KLHDC8B: variants seen among roughly 807,000 people sequenced by gnomAD.
KLHDC8B encodes the protein kelch domain containing 8B.
In KLHDC8B, 19 loss-of-function variants were observed where a neutral mutation model predicts 26.3. The ratio of observed to expected loss-of-function variants is 0.72; its 90% CI spans 0.50 to 1.06. The LOEUF (loss-of-function observed/expected upper bound fraction) is 1.06. Ranked by LOEUF, KLHDC8B falls within the 50% of genes least tolerant of loss-of-function variation. The probability of loss-of-function intolerance (pLI) is 0.00; values close to 1 mark genes in which losing one functional copy is unlikely to be tolerated. For missense variants in KLHDC8B, 411 were observed against 488.1 expected, an observed-to-expected ratio of 0.84 and a Z score of 1.49; for synonymous variants, 150 against 188.4, an observed-to-expected ratio of 0.80 and a Z score of 1.67.
In KLHDC8B at chr3:49,174,810, C is replaced by A; in HGVS notation, c.610C>A (p.Arg204=). 6.2e-7 allele frequency: 1 copy of A among 1,614,036 alleles called. No homozygotes were observed. Among genetic ancestry groups the A allele is most frequent in the Non-Finnish European group, 8.5e-7 (1 of 1,180,016 alleles). Reference sequence around the variant, plus strand: ...TGATCTGGAGGCCCGTACATGGACCCGGCATCCAAGCCTACCCAGCCGTCG... The same window carrying A: ...TGATCTGGAGGCCCGTACATGGACCAGGCATCCAAGCCTACCCAGCCGTCG... ...AFDLEARTWT[R]HPSLPSRRAF... is the part of the protein sequence containing the mutation. Residue 204 remains arginine (R), a synonymous_variant, in exon 4 of 6, where the codon CGG becomes AGG. Transcript: ENST00000332780.
Position 49,174,271 on chromosome 3 carries a change from CCT to C in KLHDC8B, c.410_411del (p.Pro137ArgfsTer12). 1 of 1,613,578 alleles carries C rather than the reference CCT, an allele frequency of 6.2e-7. No individual in the cohort carries two copies. ...GMVYALGGMG[P>X]DTAPQAQVRV... ...GGTGTATGCTCTGGGGGGAATGGGC[CCT>C]GACACGGCCCCCCAGGCCCAGGTAC... On this transcript the variant is annotated frameshift_variant, in exon 3 of 6. Coordinates refer to ENST00000332780, the MANE Select transcript of KLHDC8B (RefSeq NM_173546.3). LOFTEE classifies it high-confidence loss of function.
intron 3 of KLHDC8B, 106 bp from the exon 4 acceptor site, chr3:49,174,636 C>A: frequency 7.0e-7 from 1 of 1,432,056 alleles, no homozygotes; most frequent in East Asian, 2.4e-5. Flanking sequence ...CAAGTGTGCA[C>A]ACAGCAGGAT....
chr3:49,174,882 G>T lies in KLHDC8B; in HGVS notation c.682G>T (p.Gly228Cys). 6.2e-7 allele frequency: 1 copy of T among 1,614,180 alleles called. No individual in the cohort carries two copies. ...GGCTGAAGGCAGCGTCTTTAGCCTG[G>T]GTGGCCTGCAGCAGCCTGGGCCCCA... is the stretch of plus-strand genomic sequence containing the variant. ...AMAEGSVFSLGGLQQPGPHNF... is the reference protein window; with the variant it reads ...AMAEGSVFSLCGLQQPGPHNF... Residue 228 changes from glycine (G) to cysteine (C), a missense_variant, in exon 4 of 6, where the codon GGT becomes TGT. By Grantham distance (159) the Gly-to-Cys change is radical. Transcript: ENST00000332780.
Position 49,172,717 on chromosome 3 carries a change from G to A in KLHDC8B, c.-53G>A. ...GATGAGGCCCTGTCATGCCTCCCCA[G>A]TGAGGCCTACAGTCTGAGCAGACAG... is the stretch of plus-strand genomic sequence containing the variant. On this transcript the variant is annotated 5_prime_UTR_variant, in exon 2 of 6. In the 5' UTR this introduces an upstream ATG that the reference lacks. Coordinates refer to ENST00000332780, the MANE Select transcript of KLHDC8B (RefSeq NM_173546.3). The A allele has an allele frequency of 6.4e-7, 1 of 1,563,322 alleles. No homozygotes were observed. Among genetic ancestry groups the A allele is most frequent in the Non-Finnish European group, 8.7e-7 (1 of 1,153,650 alleles).
rs2107659921 is a variant in KLHDC8B at position 49,174,878 on chromosome 3, C to G, written c.678C>G (p.Ser226Arg). The change falls in exon 4 of 6, where the codon AGC becomes AGG. Residue 226 changes from serine to arginine, a missense_variant. By Grantham distance (110) the Ser-to-Arg change is moderately radical (BLOSUM62 -1). Transcript: ENST00000332780. ...GCAMAEGSVF[S>R]LGGLQQPGPH... The stretch of plus-strand genomic sequence containing the variant: ...CCATGGCTGAAGGCAGCGTCTTTAG[C>G]CTGGGTGGCCTGCAGCAGCCTGGGC... The G allele has an allele frequency of 6.2e-7, 1 of 1,614,196 alleles. No homozygotes were observed. The highest frequency in any genetic ancestry group is 8.5e-7 in the Non-Finnish European group (1 of 1,180,050).
intron 2 of KLHDC8B, 153 bp downstream of exon 2, chr3:49,173,298 G>C: frequency 1.2e-6 from 1 of 818,978 alleles, no homozygotes; most frequent in Non-Finnish European, 1.9e-6. Flanking sequence ...TTCCAACCTA[G>C]ATTTGAGCTG....
rs761784731 is a variant in KLHDC8B, at chr3:49,175,138, C to A, written c.843C>A (p.Gly281=). The A allele has an allele frequency of 3.5e-5, 57 of 1,613,950 alleles. No individual in the cohort carries two copies. Among genetic ancestry groups the A allele is most frequent in the Non-Finnish European group, 4.6e-5 (54 of 1,179,998 alleles). The part of the protein sequence containing the change: ...RADFVVGSLG[G]HIVAIGGLGN... ...ACTTTGTGGTTGGGTCCCTTGGGGG[C>A]CACATTGTGGCCATTGGGGGCCTTG... Residue 281 remains glycine, a synonymous_variant, in exon 5 of 6, where the codon GGC becomes GGA. Transcript: ENST00000332780.
rs921234015 is a variant in KLHDC8B, at chr3:49,173,133, A to G, written c.364A>G (p.Thr122Ala). The change falls in exon 2 of 6, where the codon ACT (threonine) becomes GCT (alanine). Residue 122 changes from threonine (T) to alanine (A), a missense_variant. Thr to Ala is a moderately conservative substitution (Grantham distance 58). Coordinates refer to ENST00000332780, the MANE Select transcript of KLHDC8B (RefSeq NM_173546.3). The stretch of plus-strand genomic sequence containing the variant: ...CCCTCAAGCAGCCATGGGGGTTGCA[A>G]CTGTGGAGAGAGGTGAGTGGCCTCC... ...TLPQAAMGVA[T>A]VERDGMVYAL... 2 of 1,570,892 alleles carry G rather than the reference A, an allele frequency of 1.3e-6. No homozygotes were observed. The highest frequency in any genetic ancestry group is 1.9e-5 in the Admixed American group (1 of 53,122).
Position 49,175,594 on chromosome 3 carries a change from C to T in KLHDC8B, c.869-11C>T, listed in dbSNP as rs375876907. ...CTGTGCCTCTCACAGCCTTCTCTCT[C>T]CTTCTTGCAGGAAACCAGCCATGTC... On this transcript the variant is annotated splice_polypyrimidine_tract_variant and intron_variant, in intron 5 of 5. Transcript: ENST00000332780. The T allele has an allele frequency of 1.6e-5, 24 of 1,535,930 alleles. No homozygotes were observed. The African/African-American group carries it at 3.2e-4, about 20-fold the overall frequency.
rs1364412070 is a variant in KLHDC8B, at chr3:49,175,676, G to A, written c.940G>A (p.Ala314Thr). 2.5e-6 allele frequency: 4 copies of A among 1,612,196 alleles called. No individual in the cohort carries two copies. The Admixed American group carries it at 6.7e-5, about 27-fold the overall frequency. ...ACGGCGGCGCTGGGAGGCATTGCCTGCCATGCCCACTGCCCGCTGCTCCTG... is the reference window on the plus strand; with the variant it reads ...ACGGCGGCGCTGGGAGGCATTGCCTACCATGCCCACTGCCCGCTGCTCCTG... ...LARRRWEALP[A>T]MPTARCSCSS... is the part of the protein sequence containing the mutation. Residue 314 changes from alanine to threonine, a missense_variant, in exon 6 of 6, where the codon GCC becomes ACC. Physicochemically the swap from Ala to Thr is moderately conservative, Grantham distance 58. Coordinates refer to ENST00000332780, the MANE Select transcript of KLHDC8B (RefSeq NM_173546.3).
Position 49,173,079 on chromosome 3 carries a change from G to A in KLHDC8B, c.310G>A (p.Glu104Lys). The stretch of plus-strand genomic sequence containing the variant: ...TGCTGTAGAGGCCTTCCTGATGGAT[G>A]AGGGCCGCTGGGAGCGTCGGGCCAC... ...VAAVEAFLMD[E>K]GRWERRATLP... The change falls in exon 2 of 6, where the codon GAG becomes AAG. Residue 104 changes from glutamate (E) to lysine (K), a missense_variant. By Grantham distance (56) the Glu-to-Lys change is moderately conservative (BLOSUM62 1). Transcript: ENST00000332780. The A allele has an allele frequency of 6.3e-7, 1 of 1,597,694 alleles. No homozygotes were observed. The highest frequency in any genetic ancestry group is 1.1e-5 in the South Asian group (1 of 88,968).
In KLHDC8B at chr3:49,174,780, G is replaced by A. The variant is rs1212848066; in HGVS notation, c.580G>A (p.Ala194Thr). 22 of 1,612,756 alleles carry A rather than the reference G, an allele frequency of 1.4e-5. No homozygotes were observed. In the Admixed American group the frequency reaches 2.3e-4, roughly 17 times the overall value. Reference protein sequence around the residue: ...QGKLPVTAFEAFDLEARTWTR... With the variant: ...QGKLPVTAFETFDLEARTWTR... ...CAAGCTCCCGGTGACTGCTTTTGAAGCCTTTGATCTGGAGGCCCGTACATG... is the reference window on the plus strand; with the variant it reads ...CAAGCTCCCGGTGACTGCTTTTGAAACCTTTGATCTGGAGGCCCGTACATG... Residue 194 changes from alanine (A) to threonine (T), a missense_variant, in exon 4 of 6, where the codon GCC becomes ACC. By Grantham distance (58) the Ala-to-Thr change is moderately conservative. Transcript: ENST00000332780.
Position 49,172,926 on chromosome 3 carries a change from G to C in KLHDC8B, c.157G>C (p.Asp53His). The C allele has an allele frequency of 1.2e-6, 2 of 1,614,094 alleles. No individual in the cohort carries two copies. The highest frequency in any genetic ancestry group is 1.7e-6 in the Non-Finnish European group (2 of 1,180,018). ...GCCCCTGGACACTGCTGAGACACTG[G>C]ACATGGCCTCGCACACATGGCTGGC... ...GLPLDTAETL[D>H]MASHTWLALA... The change falls in exon 2 of 6, where the codon GAC becomes CAC. Residue 53 changes from aspartate to histidine, a missense_variant. Physicochemically the swap from Asp to His is moderately conservative, Grantham distance 81. Transcript: ENST00000332780.
rs2045809166 is a variant in KLHDC8B at position 49,174,863 on chromosome 3, A to C, written c.663A>C (p.Glu221Asp). ...RRAFAGCAMA[E>D]GSVFSLGGLQ... is the part of the protein sequence containing the mutation. The stretch of plus-strand genomic sequence containing the variant: ...CCTTTGCTGGCTGCGCCATGGCTGA[A>C]GGCAGCGTCTTTAGCCTGGGTGGCC... Residue 221 changes from glutamate (E) to aspartate (D), a missense_variant, in exon 4 of 6, where the codon GAA becomes GAC. Physicochemically the swap from Glu to Asp is conservative, Grantham distance 45. Coordinates refer to ENST00000332780, the MANE Select transcript of KLHDC8B (RefSeq NM_173546.3). 2 of 1,614,156 alleles carry C rather than the reference A, an allele frequency of 1.2e-6. No homozygotes were observed. The highest frequency in any genetic ancestry group is 4.5e-5 in the East Asian group (2 of 44,884).
intron 2 of KLHDC8B, 55 bp downstream of exon 2, chr3:49,173,200 CCTGA>C (rs2045786109): frequency 6.7e-7 from 1 of 1,486,068 alleles, no homozygotes. Context: ...TTTATTATTT[CCTGA>C]CTTAGTCCCT....
Position 49,175,915 on chromosome 3 carries a change from G to T in KLHDC8B, c.*114G>T. 1 of 1,053,492 alleles carries T rather than the reference G, an allele frequency of 9.5e-7. No individual in the cohort carries two copies. Among genetic ancestry groups the T allele is most frequent in the South Asian group, 1.4e-5 (1 of 70,968 alleles). 65.3% of individuals were successfully genotyped at this position (1,053,492 alleles called of 1,614,324 possible). On this transcript the variant is annotated 3_prime_UTR_variant, in exon 6 of 6. Transcript: ENST00000332780. ...GGCTCTGTGGGATGAGAGAGGCATG[G>T]GGGTGAGCACTTGAAACACTGCCTT...
In KLHDC8B at chr3:49,173,029, T is replaced by C; in HGVS notation, c.260T>C (p.Val87Ala). 1.2e-6 allele frequency: 2 copies of C among 1,613,034 alleles called. No individual in the cohort carries two copies. The highest frequency in any genetic ancestry group is 1.7e-6 in the Non-Finnish European group (2 of 1,179,666). Reference protein sequence around the residue: ...LGKQVLVVGGVDEVQSPVAAV... With the variant: ...LGKQVLVVGGADEVQSPVAAV... ...AAGCAGGTGCTAGTGGTGGGTGGTG[T>C]GGATGAGGTCCAGAGCCCGGTAGCT... The change falls in exon 2 of 6, where the codon GTG becomes GCG. Residue 87 changes from valine (V) to alanine (A), a missense_variant. Val to Ala is a moderately conservative substitution (Grantham distance 64). Coordinates refer to ENST00000332780, the MANE Select transcript of KLHDC8B (RefSeq NM_173546.3).
In KLHDC8B at chr3:49,175,891, G is replaced by C. The variant is rs756327324; in HGVS notation, c.*90G>C. Reference sequence around the variant, plus strand: ...TTTGCTGCTGAGGACACTCACTGTGGCTCTGTGGGATGAGAGAGGCATGGG... The same window carrying C: ...TTTGCTGCTGAGGACACTCACTGTGCCTCTGTGGGATGAGAGAGGCATGGG... On this transcript the variant is annotated 3_prime_UTR_variant, in exon 6 of 6. Transcript: ENST00000332780. 7.6e-7 allele frequency: 1 copy of C among 1,315,676 alleles called. No individual in the cohort carries two copies. Among genetic ancestry groups the C allele is most frequent in the Non-Finnish European group, 1.1e-6 (1 of 927,556 alleles). 81.5% of individuals were successfully genotyped at this position (1,315,676 alleles called of 1,614,324 possible).
chr3:49,174,043 C>T lies in KLHDC8B; in HGVS notation c.377-196C>T, dbSNP rs920033148. 8.5e-6 allele frequency: 4 copies of T among 468,384 alleles called. No homozygotes were observed. In the South Asian group the frequency reaches 1.4e-4, roughly 16 times the overall value. The allele number at this position is 468,384 out of a possible 1,614,324, so 29.0% of individuals were successfully genotyped here. A position where few individuals can be genotyped will look rare whatever the true frequency, so the allele number is the denominator to read the frequency against. ...GATCGGCTGCCTCCTGCTCTTTACT[C>T]GGAGGGGCCCTGGCCAGAGTAGGAA... On this transcript the variant is annotated intron_variant, in intron 2 of 5. Coordinates refer to ENST00000332780, the MANE Select transcript of KLHDC8B (RefSeq NM_173546.3).
Sources: allele counts gnomAD v4.1 joint callset, GRCh38; gene constraint gnomAD v4.1.1; transcripts MANE v1.5; gene names NCBI Gene and HGNC (gene_info 2026-07-23, HGNC 2026-07-21).